Variants in TTC39C observed in about 807,000 individuals in gnomAD.
The protein encoded by TTC39C is tetratricopeptide repeat domain 39C.
In TTC39C, 33 loss-of-function variants were observed where a neutral mutation model predicts 76.3. That is an observed-to-expected ratio of 0.43 (90% CI 0.33 to 0.58). TTC39C has a LOEUF of 0.58. Ranked by LOEUF, TTC39C falls within the 20% of genes least tolerant of loss-of-function variation. The pLI is 0.04. For missense variants in TTC39C, 595 were observed against 701.4 expected, an observed-to-expected ratio of 0.85 and a Z score of 1.71; for synonymous variants, 254 against 260.6, an observed-to-expected ratio of 0.97 and a Z score of 0.24.
chr18:23,994,082 C>T (rs181705161), intron 1 of TTC39C: 1 of 152,142 alleles, frequency 6.6e-6, no homozygotes, highest in African/African-American at 2.4e-5. Flanking sequence ...ATATGAAGCT[C>T]TGGCAAAAAA....
In TTC39C at chr18:24,080,762, A is replaced by G; in HGVS notation, c.638A>G (p.Asn213Ser). The change falls in exon 5 of 14, where the codon AAC becomes AGC. Residue 213 changes from asparagine to serine, a missense_variant. By Grantham distance (46) the Asn-to-Ser change is conservative. Coordinates refer to ENST00000317571, the MANE Select transcript of TTC39C (RefSeq NM_001135993.2). The part of the protein sequence containing the change: ...VAEGVSEESL[N>S]RLKGAVSFGY... The stretch of plus-strand genomic sequence containing the variant: ...GAAGGGGTGTCTGAGGAGTCTCTGA[A>G]CAGACTGAAAGGTGCTGTTAGCTTT... 1 of 1,614,144 alleles carries G rather than the reference A, an allele frequency of 6.2e-7. No individual in the cohort carries two copies. The highest frequency in any genetic ancestry group is 8.5e-7 in the Non-Finnish European group (1 of 1,180,016).
upstream of TTC39C, among the ~76,000 whole-genome samples, chr18:24,010,974 G>A (rs1257247802): frequency 6.6e-6 from 1 of 152,176 alleles, no homozygotes; most frequent in Non-Finnish European, 1.5e-5. Flanking sequence ...CTTGAGCCTG[G>A]GAGGTGAAGG....
chr18:24,132,013 G>A (rs970175634), intron 13 of TTC39C, 93 bp downstream of exon 13: 2 of 1,222,066 alleles, frequency 1.6e-6, no homozygotes, highest in Admixed American at 4.9e-5. Context: ...GTGCAATGAT[G>A]TTCTGGTTGG....
chr18:24,072,793 C>G (rs979274925), intron 4 of TTC39C, among the ~76,000 whole-genome samples: 1 of 152,176 alleles, frequency 6.6e-6, no homozygotes. Flanking sequence ...CACTTGCCAC[C>G]TTGTTTGATT....
At chr18:24,017,766 C>T (rs144345045) in intron 1 of TTC39C, among the ~76,000 whole-genome samples, 43 of 152,352 alleles carry the variant, frequency 2.8e-4, no homozygotes, top group African/African-American at 9.4e-4. Flanking sequence ...ATTACCCTCT[C>T]TGTCTCCTTT....
rs746784347 is a variant in TTC39C at position 24,118,149 on chromosome 18, A to G, written c.1103A>G (p.Asn368Ser). Residue 368 changes from asparagine (N) to serine (S), a missense_variant, in exon 8 of 14, where the codon AAT becomes AGT. Transcript: ENST00000317571. Reference sequence around the variant, plus strand: ...GGTTGGTGCAGCATGATAGAGCTCAATTTCAAGGATGCATTTGATTCCTTT... The same window carrying G: ...GGTTGGTGCAGCATGATAGAGCTCAGTTTCAAGGATGCATTTGATTCCTTT... ...EIGWCSMIEL[N>S]FKDAFDSFER... 1.7e-5 allele frequency: 28 copies of G among 1,613,844 alleles called. No individual in the cohort carries two copies. The highest frequency in any genetic ancestry group is 1.6e-4 in the Middle Eastern group (1 of 6,084).
At chr18:24,075,321 G>A (rs1042411985) in intron 4 of TTC39C, among the ~76,000 whole-genome samples, 1 of 152,080 alleles carries the variant, frequency 6.6e-6, no homozygotes, top group African/African-American at 2.4e-5. Context: ...AAGTCTGTTG[G>A]TGAAGGTTGA....
At chr18:23,995,707 G>GA (rs913445000) in intron 1 of TTC39C, among the ~76,000 whole-genome samples, 45 of 143,598 alleles carry the variant, frequency 3.1e-4, no homozygotes, top group Middle Eastern at 3.7e-3. Flanking sequence ...ATCTCTGCCG[G>GA]AAAAAAAAAA....
intron 1 of TTC39C, among the ~76,000 whole-genome samples, chr18:24,045,267 T>C (rs1469656630): frequency 4.2e-3 from 3 of 712 alleles, no homozygotes; most frequent in Non-Finnish European, 0.01. Context: ...AGACTCTGTC[T>C]CCAAAAAAAA....
chr18:24,031,596 C>T (rs1372374214), intron 1 of TTC39C, among the ~76,000 whole-genome samples: 1 of 152,186 alleles, frequency 6.6e-6, no homozygotes, highest in Non-Finnish European at 1.5e-5. Flanking sequence ...CACTTCTCTT[C>T]ATCTTTACTA....
At chr18:24,061,324 G>A (rs778773051) in intron 1 of TTC39C, among the ~76,000 whole-genome samples, 9 of 150,890 alleles carry the variant, frequency 6.0e-5, no homozygotes, top group Non-Finnish European at 1.3e-4. Context: ...TTGTATTTGG[G>A]TTCTAATGCT....
intron 2 of TTC39C, 24 bp from the exon 3 acceptor site, chr18:24,065,988 C>T (rs1473474653): frequency 6.5e-7 from 1 of 1,530,524 alleles, no homozygotes; most frequent in Non-Finnish European, 8.7e-7. Context: ...TTCATTCATT[C>T]ATTCATTCTT....
chr18:23,993,233 TG>T (rs1488359570), intron 1 of TTC39C, among the ~76,000 whole-genome samples: 1 of 152,238 alleles, frequency 6.6e-6, no homozygotes, highest in African/African-American at 2.4e-5. Flanking sequence ...GCTTCCAGAA[TG>T]GATTTCCATA....
chr18:24,027,092 G>C (rs1200733518), intron 1 of TTC39C, among the ~76,000 whole-genome samples: 4 of 152,098 alleles, frequency 2.6e-5, no homozygotes, highest in Non-Finnish European at 5.9e-5. Flanking sequence ...AGGAGTTCGA[G>C]ACCAGCCTGG....
chr18:24,118,576 C>T (rs8083625), intron 8 of TTC39C, among the ~76,000 whole-genome samples: 43,777 of 151,856 alleles, frequency 0.29, 6,596 homozygotes, highest in Middle Eastern at 0.4. Context: ...GTCTCTATCC[C>T]TTTACTTAAT....
In TTC39C at chr18:23,992,895, A is replaced by C. The variant is rs1387268603; in HGVS notation, c.-160A>C. The C allele has an allele frequency of 2.6e-5, 4 of 152,292 alleles. No homozygotes were observed. The East Asian group carries it at 7.7e-4, about 29-fold the overall frequency. 9.4% of individuals were successfully genotyped at this position (152,292 alleles called of 1,614,324 possible). A position where few individuals can be genotyped will look rare whatever the true frequency, so the allele number is the denominator to read the frequency against. The stretch of plus-strand genomic sequence containing the variant: ...ATTCTGAATTTATTTCCAGCTGCCC[A>C]TCTTGTCCCTCCTGGAGACCTAACC... On this transcript the variant is annotated 5_prime_UTR_variant, in exon 1 of 14. Coordinates refer to the TTC39C transcript ENST00000304621.
In TTC39C at chr18:24,071,090, A is replaced by G. The variant is rs557698406; in HGVS notation, c.460+1819A>G. Among the ~76,000 whole-genome samples the G allele has an allele frequency of 3.9e-5, 6 of 152,026 alleles. No individual in the cohort carries two copies. In the South Asian group the frequency reaches 1.0e-3, roughly 26 times the overall value. ...ATTACAGGCGCCCACCACCACGCCCAACTAATTTTTTGTACTTTTAGTAGA... is the reference window on the plus strand; with the variant it reads ...ATTACAGGCGCCCACCACCACGCCCGACTAATTTTTTGTACTTTTAGTAGA... On this transcript the variant is annotated intron_variant, in intron 4 of 13. Transcript: ENST00000317571.
intron 4 of TTC39C, among the ~76,000 whole-genome samples, chr18:24,080,238 G>A (rs530101461): frequency 1.8e-4 from 27 of 152,280 alleles, no homozygotes; most frequent in Admixed American, 7.2e-4. Context: ...GAAATGCAGC[G>A]GAGGGTTTCA....
chr18:24,081,646 T>G (rs1179952485), intron 5 of TTC39C, among the ~76,000 whole-genome samples: 2 of 152,218 alleles, frequency 1.3e-5, no homozygotes, highest in Non-Finnish European at 2.9e-5. Context: ...CCCAAAAATG[T>G]TGATATCATA....
Sources: gnomAD v4.1 joint callset for allele counts (sites outside exome capture counted in the v4.1 genomes callset) on GRCh38, gnomAD v4.1.1 for gene constraint, MANE v1.5 for transcripts, NCBI Gene and HGNC (gene_info 2026-07-23, HGNC 2026-07-21) for gene names.